Variants in XRCC5 observed in about 807,000 individuals in gnomAD.
XRCC5 encodes DNA repair protein Ku80.
In XRCC5, 12 loss-of-function variants were observed where a neutral mutation model predicts 95.7. That is an observed-to-expected ratio of 0.13 (90% CI 0.08 to 0.20). XRCC5 has a LOEUF of 0.20. Among genes scored for constraint, XRCC5 ranks in the 10% least tolerant of loss-of-function variants. XRCC5 has a pLI of 1.00. For missense variants in XRCC5, 595 were observed against 873.9 expected (o/e 0.68, Z 4.02); for synonymous variants, 281 against 290.3 (o/e 0.97, Z 0.33).
chr2:216,151,788 G>A (rs1371062884), intron 14 of XRCC5, among the ~76,000 whole-genome samples: 1 of 152,172 alleles, frequency 6.6e-6, no homozygotes, highest in African/African-American at 2.4e-5. Context: ...TAGTGACAAT[G>A]ACAGTAGAGG....
chr2:216,182,148 A>G (rs41302490), intron 16 of XRCC5, among the ~76,000 whole-genome samples: 4,030 of 152,286 alleles, frequency 0.026, 189 homozygotes, highest in African/African-American at 0.093. Flanking sequence ...AGCACATTCA[A>G]CAATGGCTGC....
rs867557422 is a variant in XRCC5 at position 216,111,493 on chromosome 2, C to T, written c.22-1523C>T. On this transcript the variant is annotated intron_variant, in intron 1 of 20. Transcript: ENST00000392132. ...GAGCCATGATCATGCCACTGTACTC[C>T]AGCCTGGGTGACAGTGAGACCATGT... 1.0e-4 allele frequency: 36 copies of T among 346,258 alleles called. 3 individuals carry two copies. The highest frequency in any genetic ancestry group is 7.0e-4 in the South Asian group (35 of 50,046). The allele number at this position is 346,258 out of a possible 1,614,324, so 21.4% of individuals were successfully genotyped here. A position where few individuals can be genotyped will look rare whatever the true frequency, so the allele number is the denominator to read the frequency against.
chr2:216,115,492 A>G (rs1385663240), intron 2 of XRCC5, among the ~76,000 whole-genome samples: 1 of 152,152 alleles, frequency 6.6e-6, no homozygotes, highest in Non-Finnish European at 1.5e-5. Flanking sequence ...GCTTGAATCC[A>G]GCAGCAGGCA....
Position 216,138,102 on chromosome 2 carries a change from T to C in XRCC5, c.1265T>C (p.Val422Ala). ...CTTTCTCATTAGTGTTTAGTGTATG[T>C]GCAGCTGCCTTTCATGGAAGACTTG... ...IKHNYECLVY[V>A]QLPFMEDLRQ... is the part of the protein sequence containing the mutation. The change falls in exon 12 of 21, where the codon GTG (valine) becomes GCG (alanine). Residue 422 changes from valine to alanine, a missense_variant. Transcript: ENST00000392132. The C allele has an allele frequency of 1.9e-6, 3 of 1,613,410 alleles. No homozygotes were observed. Among genetic ancestry groups the C allele is most frequent in the Non-Finnish European group, 2.5e-6 (3 of 1,179,870 alleles).
chr2:216,157,224 T>G (rs947377927), intron 14 of XRCC5, among the ~76,000 whole-genome samples: 1 of 102,280 alleles, frequency 9.8e-6, no homozygotes, highest in Non-Finnish European at 2.3e-5. Flanking sequence ...TTTCTTTTTT[T>G]TTTGTTTTTT....
chr2:216,150,505 T>C (rs1688721578), intron 14 of XRCC5, among the ~76,000 whole-genome samples: 1 of 152,220 alleles, frequency 6.6e-6, no homozygotes, highest in African/African-American at 2.4e-5. Context: ...TAGAATCTAC[T>C]ACACATCTAG....
intron 8 of XRCC5, among the ~76,000 whole-genome samples, chr2:216,129,388 C>T (rs979831242): frequency 1.3e-5 from 2 of 152,140 alleles, no homozygotes; most frequent in Non-Finnish European, 2.9e-5. Context: ...GCAAAGGAAT[C>T]TGGTTAAATG....
chr2:216,188,978 T>A (rs922887253), intron 16 of XRCC5, among the ~76,000 whole-genome samples: 3 of 152,236 alleles, frequency 2.0e-5, no homozygotes, highest in African/African-American at 7.2e-5. Context: ...ACTGGGGATA[T>A]TTTTCCCTTG....
chr2:216,203,441 G>T (rs1689880641), intron 19 of XRCC5, among the ~76,000 whole-genome samples: 1 of 152,158 alleles, frequency 6.6e-6, no homozygotes, highest in South Asian at 2.1e-4. Context: ...GCTCTTAGAG[G>T]CAGCTGCCAC....
intron 14 of XRCC5, among the ~76,000 whole-genome samples, chr2:216,157,230 T>G (rs1688861485): frequency 4.9e-5 from 3 of 61,320 alleles, no homozygotes; most frequent in Non-Finnish European, 1.0e-4. Context: ...TTTTTTTTGT[T>G]TTTTTTTTGT....
intron 16 of XRCC5, among the ~76,000 whole-genome samples, chr2:216,180,962 C>T (rs1194703533): frequency 2.0e-5 from 3 of 151,744 alleles, no homozygotes; most frequent in African/African-American, 7.3e-5. Flanking sequence ...TACAGGCATG[C>T]ACCACCACAC....
At chr2:216,192,395 G>T (rs1462842973) in intron 17 of XRCC5, among the ~76,000 whole-genome samples, 1 of 152,132 alleles carries the variant, frequency 6.6e-6, no homozygotes, top group Admixed American at 6.5e-5. Flanking sequence ...TAAAAACAAA[G>T]GGCTAGGCCA....
chr2:216,149,806 G>A (rs1023934555), intron 14 of XRCC5, among the ~76,000 whole-genome samples: 72 of 152,228 alleles, frequency 4.7e-4, no homozygotes, highest in African/African-American at 1.7e-3. Context: ...GTCCTGCTGG[G>A]CACTCTTCTG....
intron 16 of XRCC5, among the ~76,000 whole-genome samples, chr2:216,177,335 A>C (rs186872789): frequency 6.6e-6 from 1 of 152,308 alleles, no homozygotes; most frequent in Admixed American, 6.5e-5. Flanking sequence ...TTTTGGTCTC[A>C]CCTAGCTAAA....
At chr2:216,143,450 G>A (rs77108636) in intron 13 of XRCC5, among the ~76,000 whole-genome samples, 1 of 152,128 alleles carries the variant, frequency 6.6e-6, no homozygotes, top group African/African-American at 2.4e-5. Flanking sequence ...CTTATCTACA[G>A]TAGGTTGTAT....
In XRCC5 at chr2:216,138,084, A is replaced by G. The variant is rs1206209737; in HGVS notation, c.1252-5A>G. 1.2e-6 allele frequency: 2 copies of G among 1,602,354 alleles called. No homozygotes were observed. Among genetic ancestry groups the G allele is most frequent in the Non-Finnish European group, 1.7e-6 (2 of 1,174,580 alleles). The stretch of plus-strand genomic sequence containing the variant: ...TCTGCTTTTACCCCCTTTCTTTCTC[A>G]TTAGTGTTTAGTGTATGTGCAGCTG... On this transcript the variant is annotated splice_region_variant and splice_polypyrimidine_tract_variant and intron_variant, in intron 11 of 20. Coordinates refer to ENST00000392132, the MANE Select transcript of XRCC5 (RefSeq NM_021141.4).
At chr2:216,184,742 A>G (rs1332237723) in intron 16 of XRCC5, among the ~76,000 whole-genome samples, 1 of 152,160 alleles carries the variant, frequency 6.6e-6, no homozygotes, top group African/African-American at 2.4e-5. Context: ...CGGCCTCCCA[A>G]AGTGCTGTGA....
At chr2:216,140,206 T>G (rs1435293618) in intron 12 of XRCC5, among the ~76,000 whole-genome samples, 2 of 152,252 alleles carry the variant, frequency 1.3e-5, no homozygotes, top group Non-Finnish European at 2.9e-5. Context: ...TATCTGATGA[T>G]AAATATCTGT....
At chr2:216,118,918 T>G (rs1463251150) in intron 4 of XRCC5, 125 bp from the exon 5 acceptor site, 1 of 1,001,914 alleles carries the variant, frequency 1.0e-6, no homozygotes, top group Admixed American at 2.2e-5. Flanking sequence ...ACTACTAGAA[T>G]GTAATCACAT....
Sources: gnomAD v4.1 joint callset for allele counts (sites outside exome capture counted in the v4.1 genomes callset) on GRCh38, gnomAD v4.1.1 for gene constraint, MANE v1.5 for transcripts, NCBI Gene and HGNC (gene_info 2026-07-23, HGNC 2026-07-21) for gene names.